The following ERBB4 variants were observed in gnomAD, a reference collection of about 807,000 sequenced individuals.
The protein encoded by ERBB4 is receptor tyrosine-protein kinase erbB-4.
A neutral mutation model predicts 158.0 loss-of-function variants in ERBB4; 42 were observed. That is an observed-to-expected ratio of 0.27 (90% CI 0.21 to 0.34). The LOEUF is 0.34. ERBB4 is among the 10% of genes least tolerant of loss of function. ERBB4 has a pLI of 1.00. For synonymous variants in ERBB4, 583 were observed against 558.7 expected, an observed-to-expected ratio of 1.04 and a Z score of -0.61; for missense variants, 1,333 against 1,624.1, an observed-to-expected ratio of 0.82 and a Z score of 3.08.
At chr2:212,391,557 C>T (rs1361201139) in intron 1 of ERBB4, among the ~76,000 whole-genome samples, 4 of 146,214 alleles carry the variant, frequency 2.7e-5, no homozygotes, top group African/African-American at 1.0e-4. Context: ...TCACCAACAG[C>T]ACTGTCTATA....
At chr2:212,221,555 G>A (rs1398919788) in intron 1 of ERBB4, among the ~76,000 whole-genome samples, 1 of 151,470 alleles carries the variant, frequency 6.6e-6, no homozygotes, top group Non-Finnish European at 1.5e-5. Flanking sequence ...CAAAGACATA[G>A]ATAAATATAC....
intron 1 of ERBB4, among the ~76,000 whole-genome samples, chr2:212,520,008 G>A (rs1168550635): frequency 1.3e-5 from 2 of 151,822 alleles, no homozygotes; most frequent in Non-Finnish European, 2.9e-5. Context: ...TGCAGGTACT[G>A]AAAAATCACT....
At chr2:212,209,533 T>C (rs973964725) in intron 1 of ERBB4, among the ~76,000 whole-genome samples, 2 of 152,050 alleles carry the variant, frequency 1.3e-5, no homozygotes, top group Non-Finnish European at 2.9e-5. Context: ...GTTGAGAGAG[T>C]ATCTACTAGT....
intron 1 of ERBB4, among the ~76,000 whole-genome samples, chr2:212,385,770 G>A (rs1339390549): frequency 6.6e-6 from 1 of 151,760 alleles, no homozygotes. Flanking sequence ...GGGGAAAGCA[G>A]TAATCCTATA....
intron 2 of ERBB4, among the ~76,000 whole-genome samples, chr2:212,056,154 G>C (rs2077560684): frequency 6.6e-6 from 1 of 152,188 alleles, no homozygotes; most frequent in African/African-American, 2.4e-5. Context: ...TAGCCGATTT[G>C]ATCAACTGGA....
At chr2:212,370,794 T>A (rs1051133440) in intron 1 of ERBB4, among the ~76,000 whole-genome samples, 3 of 152,172 alleles carry the variant, frequency 2.0e-5, no homozygotes, top group Non-Finnish European at 4.4e-5. Context: ...CACATAGTTT[T>A]AACCATAATG....
chr2:211,666,572 G>A (rs192126000), intron 14 of ERBB4, among the ~76,000 whole-genome samples: 168 of 152,246 alleles, frequency 1.1e-3, no homozygotes, highest in African/African-American at 4.0e-3. Context: ...TGGGTATATC[G>A]TCAGAGCAAA....
intron 1 of ERBB4, among the ~76,000 whole-genome samples, chr2:212,343,197 C>T (rs17419211): frequency 0.35 from 53,567 of 152,036 alleles, 11,399 homozygotes; most frequent in East Asian, 0.78. Context: ...CCCAAGCTAA[C>T]ATTAAACCAC....
chr2:211,872,057 A>G (rs1411467237), intron 3 of ERBB4, among the ~76,000 whole-genome samples: 1 of 147,108 alleles, frequency 6.8e-6, no homozygotes, highest in Non-Finnish European at 1.5e-5. Flanking sequence ...ATACATTTCA[A>G]TAATTGCTTT....
intron 17 of ERBB4, among the ~76,000 whole-genome samples, chr2:211,630,065 A>G (rs2070044016): frequency 6.6e-6 from 1 of 152,238 alleles, no homozygotes; most frequent in African/African-American, 2.4e-5. Context: ...ATTAAACTAA[A>G]GAGCTTCTGC....
At chr2:212,394,778 T>C (rs12469774) in intron 1 of ERBB4, among the ~76,000 whole-genome samples, 5,437 of 152,180 alleles carry the variant, frequency 0.036, 139 homozygotes, top group Admixed American at 0.08. Flanking sequence ...AATGAAGACA[T>C]AGAGAAAACT....
chr2:211,922,958 T>C (rs2079910327), intron 3 of ERBB4, among the ~76,000 whole-genome samples: 1 of 152,184 alleles, frequency 6.6e-6, no homozygotes, highest in Non-Finnish European at 1.5e-5. Context: ...TGAATAAATG[T>C]ATAACAATAG....
intron 25 of ERBB4, among the ~76,000 whole-genome samples, chr2:211,406,783 A>G (rs2063156796): frequency 6.6e-6 from 1 of 151,038 alleles, no homozygotes; most frequent in Non-Finnish European, 1.5e-5. Context: ...AATAAAATAG[A>G]AAAAACTAAA....
At chr2:211,938,568 T>C (rs2080393985) in intron 3 of ERBB4, among the ~76,000 whole-genome samples, 1 of 152,180 alleles carries the variant, frequency 6.6e-6, no homozygotes, top group African/African-American at 2.4e-5. Context: ...ATTGGCCACA[T>C]CTGGCTACTG....
chr2:212,494,927 A>G (rs779690291), intron 1 of ERBB4, among the ~76,000 whole-genome samples: 11 of 152,166 alleles, frequency 7.2e-5, no homozygotes, highest in Non-Finnish European at 1.2e-4. Context: ...TAATGCAGAT[A>G]TGACACAATG....
intron 13 of ERBB4, among the ~76,000 whole-genome samples, chr2:211,675,381 TAA>T (rs1248656353): frequency 6.6e-6 from 1 of 152,112 alleles, no homozygotes; most frequent in East Asian, 1.9e-4. Context: ...TCAACTTCCT[TAA>T]GCCTCATTTT....
chr2:212,290,606 T>G (rs2086168604), intron 1 of ERBB4, among the ~76,000 whole-genome samples: 1 of 152,128 alleles, frequency 6.6e-6, no homozygotes, highest in African/African-American at 2.4e-5. Flanking sequence ...GCATTTTCCA[T>G]AGCAACAGGC....
At chr2:211,824,815 AAT>A (rs1413509072) in intron 3 of ERBB4, among the ~76,000 whole-genome samples, 4 of 151,978 alleles carry the variant, frequency 2.6e-5, no homozygotes, top group Admixed American at 6.6e-5. Flanking sequence ...CTCTGAAAAA[AAT>A]ATGTTTGTTT....
Position 211,948,848 on chromosome 2 carries a change from A to T in ERBB4, c.235-1232T>A, listed in dbSNP as rs370741330. Reference sequence around the variant, plus strand: ...GTTTCAAAGTTGGTGATCTCCAAACATTTATCTCTATACTTTCCCCAAACT... The same window carrying T: ...GTTTCAAAGTTGGTGATCTCCAAACTTTTATCTCTATACTTTCCCCAAACT... On this transcript the variant is annotated intron_variant, in intron 2 of 27. Transcript: ENST00000342788. Among the ~76,000 whole-genome samples, 7 of 152,084 alleles carry T rather than the reference A, an allele frequency of 4.6e-5. 1 individual carries two copies. The highest frequency in any genetic ancestry group is 1.7e-4 in the African/African-American group (7 of 41,476).
Sources: gnomAD v4.1 joint callset for allele counts (sites outside exome capture counted in the v4.1 genomes callset) on GRCh38, gnomAD v4.1.1 for gene constraint, MANE v1.5 for transcripts, NCBI Gene and HGNC (gene_info 2026-07-23, HGNC 2026-07-21) for gene names.